USP47: variants seen among roughly 807,000 people sequenced by gnomAD.
The protein encoded by USP47 is ubiquitin specific peptidase 47.
USP47 carries 35 observed loss-of-function variants against 165.1 expected under a neutral mutation model. The observed-to-expected ratio is 0.21, with a 90% CI of 0.16 to 0.28. The LOEUF (loss-of-function observed/expected upper bound fraction) is 0.28. Among genes scored for constraint, USP47 ranks in the 10% least tolerant of loss-of-function variants. The pLI, the probability that USP47 is intolerant of heterozygous loss-of-function variation, is 1.00. For synonymous variants in USP47, 531 were observed against 544.5 expected, an observed-to-expected ratio of 0.98 and a Z score of 0.35; for missense variants, 1,277 against 1,607.4, an observed-to-expected ratio of 0.79 and a Z score of 3.52.
At chr11:11,930,208 G>T in intron 13 of USP47, 88 bp downstream of exon 13, 1 of 1,266,484 alleles carries the variant, frequency 7.9e-7, no homozygotes, top group African/African-American at 1.5e-5. Flanking sequence ...TTTAACCAAG[G>T]GATTGAGGAA....
rs139351635 is a variant in USP47 at position 11,884,326 on chromosome 11, G to T, written c.244-141G>T. The T allele has an allele frequency of 4.1e-4, 245 of 602,880 alleles. No individual in the cohort carries two copies. The African/African-American group carries it at 4.2e-3, about 10-fold the overall frequency. The allele number at this position is 602,880 out of a possible 1,614,324, so 37.3% of individuals were successfully genotyped here. A position where few individuals can be genotyped will look rare whatever the true frequency, so the allele number is the denominator to read the frequency against. On this transcript the variant is annotated intron_variant, in intron 2 of 27. Transcript: ENST00000527733. ...TAGCTATTCCAGTTAATGAATAAAT[G>T]AGTTAATTCCAAGCCTAGATGAAGA...
intron 8 of USP47, among the ~76,000 whole-genome samples, chr11:11,911,918 T>C (rs1853024235): frequency 6.6e-6 from 1 of 151,924 alleles, no homozygotes; most frequent in African/African-American, 2.4e-5. Flanking sequence ...AACAGTGGAA[T>C]CAGATTAGCA....
Position 11,897,711 on chromosome 11 carries a change from T to A in USP47, c.593+18T>A, listed in dbSNP as rs754948994. ...TTATATAAGTGAGTATTCAAAAAAA[T>A]TGTATACATAAAATTGATTTAAGAA... On this transcript the variant is annotated intron_variant, in intron 5 of 27. Transcript: ENST00000527733. 1.3e-6 allele frequency: 2 copies of A among 1,483,744 alleles called. No homozygotes were observed. Among genetic ancestry groups the A allele is most frequent in the South Asian group, 1.2e-5 (1 of 81,250 alleles). 91.9% of individuals were successfully genotyped at this position (1,483,744 alleles called of 1,614,324 possible).
intron 11 of USP47, among the ~76,000 whole-genome samples, chr11:11,923,454 C>G (rs911190682): frequency 2.6e-5 from 4 of 152,000 alleles, no homozygotes; most frequent in Admixed American, 2.6e-4. Context: ...TGGTATAGTT[C>G]TATGGATTAT....
chr11:11,941,516 C>T (rs372714508), intron 19 of USP47, among the ~76,000 whole-genome samples: 31 of 151,986 alleles, frequency 2.0e-4, no homozygotes, highest in Admixed American at 1.3e-3. Flanking sequence ...AAATTTCAAA[C>T]GTAAACAAAA....
intron 11 of USP47, among the ~76,000 whole-genome samples, chr11:11,926,068 A>G (rs1051243677): frequency 6.6e-6 from 1 of 152,102 alleles, no homozygotes; most frequent in Admixed American, 6.5e-5. Context: ...ATAGTCCTTT[A>G]ATGTGTTACT....
chr11:11,946,412 G>A (rs145408549), intron 20 of USP47, among the ~76,000 whole-genome samples: 63 of 152,312 alleles, frequency 4.1e-4, no homozygotes, highest in African/African-American at 1.4e-3. Flanking sequence ...ACTACTAGAG[G>A]TTAGGAAAGA....
chr11:11,902,814 T>C lies in USP47; in HGVS notation c.693T>C (p.Ile231=). 6.2e-7 allele frequency: 1 copy of C among 1,603,900 alleles called. No homozygotes were observed. Among genetic ancestry groups the C allele is most frequent in the Non-Finnish European group, 8.5e-7 (1 of 1,174,426 alleles). Residue 231 remains isoleucine, a synonymous_variant, in exon 6 of 28, where the codon ATT becomes ATC. Transcript: ENST00000527733. The part of the protein sequence containing the change: ...VLLQTSKKRA[I]ETTDVTRSFG... The stretch of plus-strand genomic sequence containing the variant: ...TACAAACCAGCAAAAAGAGAGCAAT[T>C]GAAACCACAGATGTTACAAGGAGCT...
chr11:11,942,486 A>G lies in USP47; in HGVS notation c.2465A>G (p.Tyr822Cys), dbSNP rs1429582711. 3.1e-6 allele frequency: 5 copies of G among 1,613,630 alleles called. No homozygotes were observed. Among genetic ancestry groups the G allele is most frequent in the South Asian group, 1.1e-5 (1 of 91,072 alleles). ...GTATCTTATTCCAAAAGGACAGCAT[A>G]CCAGAAAGCTGGAGGCGATTCTGGT... ...SPVSYSKRTA[Y>C]QKAGGDSGNV... Residue 822 changes from tyrosine (Y) to cysteine (C), a missense_variant, in exon 20 of 28, where the codon TAC becomes TGC. Coordinates refer to ENST00000527733, the MANE Select transcript of USP47 (RefSeq NM_001282659.2).
chr11:11,880,209 A>C lies in USP47; in HGVS notation c.72A>C (p.Leu24Phe). 4 of 1,478,908 alleles carry C rather than the reference A, an allele frequency of 2.7e-6. No homozygotes were observed. Among genetic ancestry groups the C allele is most frequent in the Non-Finnish European group, 3.6e-6 (4 of 1,125,440 alleles). 91.6% of individuals were successfully genotyped at this position (1,478,908 alleles called of 1,614,324 possible). A position where few individuals can be genotyped will look rare whatever the true frequency, so the allele number is the denominator to read the frequency against. ...IENAAEEPRV[L>F]CIIQDTTNSK... ...ATGCTGCTGAAGAACCTAGAGTCTT[A>C]TGTATTATACAAGATACTACTAATT... Residue 24 changes from leucine to phenylalanine, a missense_variant, in exon 2 of 28, where the codon TTA becomes TTC. Physicochemically the swap from Leu to Phe is conservative, Grantham distance 22. Transcript: ENST00000527733.
chr11:11,933,671 C>T (rs6485303), intron 15 of USP47, among the ~76,000 whole-genome samples, 160 bp from the exon 16 acceptor site: 121,461 of 152,002 alleles, frequency 0.8, 49,279 homozygotes, highest in Middle Eastern at 0.95. Flanking sequence ...TGAGACATAA[C>T]TGGTGTCAAT....
At chr11:11,925,302 G>C (rs1012953613) in intron 11 of USP47, among the ~76,000 whole-genome samples, 1 of 151,928 alleles carries the variant, frequency 6.6e-6, no homozygotes, top group Non-Finnish European at 1.5e-5. Context: ...TAGAGATGGG[G>C]TTTCACCATG....
At chr11:11,875,952 A>G (rs974361670) in intron 1 of USP47, among the ~76,000 whole-genome samples, 5 of 152,194 alleles carry the variant, frequency 3.3e-5, no homozygotes, top group Non-Finnish European at 7.3e-5. Context: ...TTGCTAGGAA[A>G]TCTAGCTTTG....
intron 1 of USP47, chr11:11,856,426 T>A (rs1262740345): frequency 1.3e-5 from 2 of 152,236 alleles, no homozygotes. Flanking sequence ...TATAATTAGG[T>A]ACCTTTTTGT....
At chr11:11,913,569 C>G (rs573180000) in intron 8 of USP47, among the ~76,000 whole-genome samples, 1 of 151,890 alleles carries the variant, frequency 6.6e-6, no homozygotes, top group African/African-American at 2.4e-5. Flanking sequence ...AAGCTGATCT[C>G]ATGAAGGTAG....
At position 11,942,328 on chromosome 11, in the gene USP47, T is replaced by C; in HGVS notation, c.2314-7T>C. The C allele has an allele frequency of 6.4e-7, 1 of 1,568,388 alleles. No homozygotes were observed. The highest frequency in any genetic ancestry group is 8.6e-7 in the Non-Finnish European group (1 of 1,162,900). On this transcript the variant is annotated splice_region_variant and splice_polypyrimidine_tract_variant and intron_variant, in intron 19 of 27. Transcript: ENST00000527733. ...AATATATAATAAAACTCTGACTTACTATGTAGGTGTTTGTTGAAAGCTCCG... is the reference window on the plus strand; with the variant it reads ...AATATATAATAAAACTCTGACTTACCATGTAGGTGTTTGTTGAAAGCTCCG...
In USP47 at chr11:11,880,254, G is replaced by A; in HGVS notation, c.117G>A (p.Arg39=). 6.9e-7 allele frequency: 1 copy of A among 1,458,896 alleles called. No individual in the cohort carries two copies. The highest frequency in any genetic ancestry group is 1.8e-4 in the Middle Eastern group (1 of 5,686). The allele number at this position is 1,458,896 out of a possible 1,614,324, so 90.4% of individuals were successfully genotyped here. A position where few individuals can be genotyped will look rare whatever the true frequency, so the allele number is the denominator to read the frequency against. Residue 39 remains arginine (R), a synonymous_variant, in exon 2 of 28, where the codon CGG becomes CGA. Transcript: ENST00000527733. ...DTTNSKTVNE[R]ITLNLPASTP... ...CTAATTCAAAGACAGTGAATGAACG[G>A]ATCACTTTAAATTTACCAGCATCTA...
chr11:11,939,983 T>G (rs1328904319), intron 18 of USP47, among the ~76,000 whole-genome samples: 1 of 152,006 alleles, frequency 6.6e-6, no homozygotes, highest in Non-Finnish European at 1.5e-5. Flanking sequence ...ATCTTCTCAT[T>G]TTACACAAAG....
rs1054219223 is a variant in USP47 at position 11,958,295 on chromosome 11, C to G, written c.*2120C>G. On this transcript the variant is annotated 3_prime_UTR_variant, in exon 28 of 28. Coordinates refer to ENST00000527733, the MANE Select transcript of USP47 (RefSeq NM_001282659.2). ...TATGTTTAACTGCTGTTTCTAATTGCAGGTGTATTACAGATACAAATAAGA... is the reference window on the plus strand; with the variant it reads ...TATGTTTAACTGCTGTTTCTAATTGGAGGTGTATTACAGATACAAATAAGA... 2 of 152,180 alleles carry G rather than the reference C, an allele frequency of 1.3e-5. No individual in the cohort carries two copies. The highest frequency in any genetic ancestry group is 6.5e-5 in the Admixed American group (1 of 15,274). The allele number at this position is 152,180 out of a possible 1,614,324, so 9.4% of individuals were successfully genotyped here.
Sources: gnomAD v4.1 joint callset for allele counts (sites outside exome capture counted in the v4.1 genomes callset) on GRCh38, gnomAD v4.1.1 for gene constraint, MANE v1.5 for transcripts, NCBI Gene and HGNC (gene_info 2026-07-23, HGNC 2026-07-21) for gene names.